LDLRAD3: variants seen among roughly 807,000 people sequenced by gnomAD.
LDLRAD3 encodes low-density lipoprotein receptor class A domain-containing protein 3.
A neutral mutation model predicts 29.4 loss-of-function variants in LDLRAD3; 20 were observed. The ratio of observed to expected loss-of-function variants is 0.68; its 90% CI spans 0.48 to 0.99. LDLRAD3 has a LOEUF of 0.99. LDLRAD3 is among the 50% of genes least tolerant of loss of function. LDLRAD3 has a pLI of 0.00. For missense variants in LDLRAD3, 420 were observed against 454.3 expected (o/e 0.92, Z 0.69); for synonymous variants, 157 against 192.7 (o/e 0.81, Z 1.53).
At chr11:36,066,756 A>G (rs1339744239) in intron 2 of LDLRAD3, among the ~76,000 whole-genome samples, 2 of 152,182 alleles carry the variant, frequency 1.3e-5, no homozygotes, top group South Asian at 2.1e-4. Context: ...GAAGAATATT[A>G]TGGGCTTGTC....
intron 4 of LDLRAD3, among the ~76,000 whole-genome samples, chr11:36,199,507 A>G (rs1405637883): frequency 6.6e-6 from 1 of 152,194 alleles, no homozygotes; most frequent in Non-Finnish European, 1.5e-5. Context: ...ACGATCGAAG[A>G]CATCTCTCAA....
rs759472054 is a variant in LDLRAD3 at position 36,036,224 on chromosome 11, C to T, written c.168C>T (p.Phe56=). ...AWQCDGLPDC[F]DKSDEKECPK... ...AGTGTGACGGGCTGCCTGACTGCTT[C>T]GACAAGAGTGATGAGAAGGAGTGCC... The change falls in exon 2 of 6, where the codon TTC becomes TTT. Residue 56 remains phenylalanine, a synonymous_variant. Coordinates refer to ENST00000315571, the MANE Select transcript of LDLRAD3 (RefSeq NM_174902.4). The T allele has an allele frequency of 1.5e-5, 24 of 1,613,908 alleles. No individual in the cohort carries two copies. In the Admixed American group the frequency reaches 1.5e-4, roughly 10 times the overall value.
At chr11:35,963,399 T>C (rs1851301449) in intron 1 of LDLRAD3, among the ~76,000 whole-genome samples, 2 of 151,892 alleles carry the variant, frequency 1.3e-5, no homozygotes, top group African/African-American at 4.8e-5. Context: ...ATTACAATTG[T>C]TTCCTTGCCT....
intron 4 of LDLRAD3, among the ~76,000 whole-genome samples, chr11:36,191,250 G>A (rs1046324188): frequency 2.0e-5 from 3 of 152,044 alleles, no homozygotes; most frequent in Admixed American, 6.6e-5. Context: ...AACTTGATAG[G>A]CCAAGTAGTA....
intron 4 of LDLRAD3, chr11:36,196,237 C>G (rs2133370260): frequency 6.6e-6 from 1 of 152,218 alleles, no homozygotes; most frequent in Admixed American, 6.5e-5. Context: ...TTTTCTTACT[C>G]TAAGACACAA....
chr11:36,182,722 G>C (rs1854782509), intron 4 of LDLRAD3, among the ~76,000 whole-genome samples: 1 of 152,182 alleles, frequency 6.6e-6, no homozygotes. Context: ...CCCTGTTGAA[G>C]CTCTTGCAGA....
chr11:36,199,585 A>ACG (rs1554973189), intron 4 of LDLRAD3, among the ~76,000 whole-genome samples: 226 of 150,468 alleles, frequency 1.5e-3, no homozygotes, highest in Middle Eastern at 0.01. Flanking sequence ...ACACACACAC[A>ACG]CACGCACGCA....
chr11:36,219,747 A>T (rs374501048), intron 4 of LDLRAD3, among the ~76,000 whole-genome samples: 1 of 152,368 alleles, frequency 6.6e-6, no homozygotes, highest in East Asian at 1.9e-4. Context: ...TCGAATATAG[A>T]AAAACACAAA....
chr11:36,200,553 G>T (rs1228059026), intron 4 of LDLRAD3, among the ~76,000 whole-genome samples: 1 of 152,208 alleles, frequency 6.6e-6, no homozygotes, highest in African/African-American at 2.4e-5. Context: ...AGATACCACA[G>T]CTGGCAAAAG....
chr11:36,104,155 G>A (rs1405291722), intron 4 of LDLRAD3, among the ~76,000 whole-genome samples: 1 of 152,166 alleles, frequency 6.6e-6, no homozygotes, highest in Non-Finnish European at 1.5e-5. Context: ...CTGCCATATT[G>A]TGAGCCGCCC....
chr11:36,174,750 G>A (rs1854646994), intron 4 of LDLRAD3, among the ~76,000 whole-genome samples: 1 of 152,218 alleles, frequency 6.6e-6, no homozygotes, highest in Non-Finnish European at 1.5e-5. Context: ...GGGAGGCTGA[G>A]GCAGGCGGAT....
chr11:36,108,452 G>T (rs534409360), intron 4 of LDLRAD3, among the ~76,000 whole-genome samples: 1 of 150,590 alleles, frequency 6.6e-6, no homozygotes, highest in African/African-American at 2.4e-5. Flanking sequence ...TGCTCTAATA[G>T]AGCTCATATT....
At chr11:36,067,086 C>CT (rs1161098974) in intron 2 of LDLRAD3, among the ~76,000 whole-genome samples, 1 of 152,018 alleles carries the variant, frequency 6.6e-6, no homozygotes, top group Non-Finnish European at 1.5e-5. Flanking sequence ...GTCCTTCCCT[C>CT]TTTTTTTTCA....
At chr11:36,205,818 T>A (rs1481023617) in intron 4 of LDLRAD3, among the ~76,000 whole-genome samples, 1 of 152,374 alleles carries the variant, frequency 6.6e-6, no homozygotes, top group East Asian at 1.9e-4. Flanking sequence ...AGAGGAGCTT[T>A]GCCGGCAATG....
intron 4 of LDLRAD3, among the ~76,000 whole-genome samples, chr11:36,157,750 G>A (rs554073699): frequency 1.3e-5 from 2 of 152,340 alleles, no homozygotes; most frequent in African/African-American, 4.8e-5. Flanking sequence ...AGGGAGCGGA[G>A]TGTCTCCATT....
intron 2 of LDLRAD3, among the ~76,000 whole-genome samples, chr11:36,060,435 G>A (rs774673642): frequency 6.6e-6 from 1 of 152,076 alleles, no homozygotes; most frequent in Non-Finnish European, 1.5e-5. Flanking sequence ...CAGAGCTGGG[G>A]TTTAACTTAA....
chr11:36,190,160 C>A (rs889277429), intron 4 of LDLRAD3, among the ~76,000 whole-genome samples: 3 of 151,802 alleles, frequency 2.0e-5, no homozygotes, highest in African/African-American at 7.3e-5. Flanking sequence ...AACAGAAAAA[C>A]CTAAAAGATG....
At chr11:36,140,358 T>G (rs1449432323) in intron 4 of LDLRAD3, among the ~76,000 whole-genome samples, 1 of 152,194 alleles carries the variant, frequency 6.6e-6, no homozygotes, top group African/African-American at 2.4e-5. Flanking sequence ...TTGTTGGTAA[T>G]GATGAAAAAT....
chr11:36,048,044 A>G (rs986157700), intron 2 of LDLRAD3, among the ~76,000 whole-genome samples: 2 of 152,114 alleles, frequency 1.3e-5, no homozygotes, highest in African/African-American at 4.8e-5. Context: ...ACACTTTTCC[A>G]TCTTCTGCCT....
Sources: allele counts gnomAD v4.1 joint callset (sites outside exome capture counted in the v4.1 genomes callset), GRCh38; gene constraint gnomAD v4.1.1; transcripts MANE v1.5; gene names NCBI Gene and HGNC (gene_info 2026-07-23, HGNC 2026-07-21).